ZNF618: variants seen among roughly 807,000 people sequenced by gnomAD.
ZNF618 encodes the protein neural precursor cell expressed, developmentally down-regulated 10.
In ZNF618, 34 loss-of-function variants were observed where a neutral mutation model predicts 103.0. That is an observed-to-expected ratio of 0.33 (90% CI 0.25 to 0.44). ZNF618 has a LOEUF of 0.44. ZNF618 is among the 20% of genes least tolerant of loss of function. ZNF618 has a pLI of 1.00. For synonymous variants in ZNF618, 551 were observed against 542.2 expected (o/e 1.02, Z -0.23); for missense variants, 1,059 against 1,295.4 (o/e 0.82, Z 2.80).
rs371507720 is a variant in ZNF618, at chr9:113,978,624, A to G, written c.77+9464A>G. On this transcript the variant is annotated intron_variant, in intron 2 of 14. Transcript: ENST00000374126. ...TGGGACTTCTGGCATTTAGTCATGTATGTGTTCATTCATTCAACAGGTGTT... is the reference window on the plus strand; with the variant it reads ...TGGGACTTCTGGCATTTAGTCATGTGTGTGTTCATTCATTCAACAGGTGTT... 5.3e-5 allele frequency among the ~76,000 whole-genome samples: 8 copies of G among 152,300 alleles called. No homozygotes were observed. In the East Asian group the frequency reaches 1.4e-3, roughly 26 times the overall value.
chr9:113,957,803 T>TC (rs1836449100), intron 1 of ZNF618, among the ~76,000 whole-genome samples: 1 of 115,394 alleles, frequency 8.7e-6, no homozygotes, highest in African/African-American at 2.9e-5. Context: ...AGCAAAAGTT[T>TC]CCTTTTTTTT....
At chr9:113,951,511 G>GTACACATATA (rs1564207655) in intron 1 of ZNF618, among the ~76,000 whole-genome samples, 10 of 94,378 alleles carry the variant, frequency 1.1e-4, no homozygotes, top group African/African-American at 3.3e-4. Context: ...ACACATATAT[G>GTACACATATA]TGTGTATATG....
At chr9:114,007,501 GC>G (rs1841856412) in intron 7 of ZNF618, 62 bp downstream of exon 7, 3 of 1,509,178 alleles carry the variant, frequency 2.0e-6, no homozygotes, top group Non-Finnish European at 1.8e-6. Context: ...GGAGACACCA[GC>G]CCCCAGCCCT....
intron 13 of ZNF618, among the ~76,000 whole-genome samples, chr9:114,047,322 G>C (rs770330227): frequency 6.6e-6 from 1 of 152,138 alleles, no homozygotes; most frequent in South Asian, 2.1e-4. Flanking sequence ...TCTTATATCC[G>C]AGCTTCAGTT....
At chr9:113,880,821 A>G (rs1828448590) in intron 1 of ZNF618, among the ~76,000 whole-genome samples, 1 of 152,232 alleles carries the variant, frequency 6.6e-6, no homozygotes, top group Non-Finnish European at 1.5e-5. Context: ...TTTGAAAGGT[A>G]CTGGACTAGC....
chr9:113,953,295 GTCT>G (rs1245009980), intron 1 of ZNF618, among the ~76,000 whole-genome samples: 1 of 152,208 alleles, frequency 6.6e-6, no homozygotes, highest in Non-Finnish European at 1.5e-5. Flanking sequence ...TAGAGTCACA[GTCT>G]TCTTCAATCA....
rs780382194 is a variant in ZNF618 at position 114,050,069 on chromosome 9, G to A, written c.2767G>A (p.Val923Ile). The A allele has an allele frequency of 1.2e-6, 2 of 1,613,358 alleles. No individual in the cohort carries two copies. The highest frequency in any genetic ancestry group is 1.7e-5 in the Admixed American group (1 of 60,026). ...VPAVGARSGC[V>I]NMCEQALLIK... The stretch of plus-strand genomic sequence containing the variant: ...GGCCGTGGGCGCCAGAAGCGGGTGT[G>A]TAAATATGTGTGAACAAGCGCTTCT... Residue 923 changes from valine (V) to isoleucine (I), a missense_variant, in exon 15 of 15, where the codon GTA becomes ATA. Val to Ile is a conservative substitution (Grantham distance 29, BLOSUM62 3). Coordinates refer to ENST00000374126, the MANE Select transcript of ZNF618 (RefSeq NM_001318042.2).
intron 1 of ZNF618, among the ~76,000 whole-genome samples, chr9:113,934,494 C>T (rs904495576): frequency 1.3e-5 from 2 of 152,148 alleles, no homozygotes; most frequent in Non-Finnish European, 2.9e-5. Context: ...CGCTGAAGCC[C>T]GTGTTCGGTT....
intron 2 of ZNF618, among the ~76,000 whole-genome samples, chr9:113,973,256 C>T (rs976442197): frequency 1.3e-5 from 2 of 152,146 alleles, no homozygotes; most frequent in Non-Finnish European, 2.9e-5. Context: ...TTAGATTAGA[C>T]GGCTCTGAGC....
At chr9:113,919,050 C>T (rs1278531047) in intron 1 of ZNF618, among the ~76,000 whole-genome samples, 1 of 152,124 alleles carries the variant, frequency 6.6e-6, no homozygotes, top group Admixed American at 6.5e-5. Context: ...AGGGGCTTTC[C>T]CTCATCTCCT....
At chr9:113,941,306 A>G (rs540333991) in intron 1 of ZNF618, among the ~76,000 whole-genome samples, 1 of 152,102 alleles carries the variant, frequency 6.6e-6, no homozygotes, top group Admixed American at 6.5e-5. Context: ...TTTCCAACTT[A>G]AAACTTCTTT....
intron 9 of ZNF618, among the ~76,000 whole-genome samples, chr9:114,014,266 T>C (rs1842483956): frequency 6.6e-6 from 1 of 152,198 alleles, no homozygotes; most frequent in Admixed American, 6.5e-5. Flanking sequence ...GCTTGTGAGG[T>C]TGATTTAAAA....
chr9:113,948,122 T>C (rs1204554681), intron 1 of ZNF618, among the ~76,000 whole-genome samples: 2 of 152,186 alleles, frequency 1.3e-5, no homozygotes, highest in Non-Finnish European at 2.9e-5. Flanking sequence ...CAATGAGTCT[T>C]TCTGCTGTGG....
At chr9:113,911,576 G>A (rs1216429806) in intron 1 of ZNF618, among the ~76,000 whole-genome samples, 4 of 152,012 alleles carry the variant, frequency 2.6e-5, no homozygotes, top group African/African-American at 4.8e-5. Context: ...TGATCCGCCC[G>A]CCTTGGCCTC....
rs193158411 is a variant in ZNF618 at position 114,052,038 on chromosome 9, A to C, written c.*1871A>C. 7.9e-5 allele frequency: 12 copies of C among 152,148 alleles called. No individual in the cohort carries two copies. The highest frequency in any genetic ancestry group is 2.4e-4 in the African/African-American group (10 of 41,330). 9.4% of individuals were successfully genotyped at this position (152,148 alleles called of 1,614,324 possible). A position where few individuals can be genotyped will look rare whatever the true frequency, so the allele number is the denominator to read the frequency against. ...TGTCATCCTGGGGTTGGCTAAGTCA[A>C]CTCCACCCCTTCCCAATAATAAAGC... On this transcript the variant is annotated 3_prime_UTR_variant, in exon 15 of 15. Coordinates refer to ENST00000374126, the MANE Select transcript of ZNF618 (RefSeq NM_001318042.2).
intron 1 of ZNF618, among the ~76,000 whole-genome samples, chr9:113,883,052 C>T (rs569189783): frequency 6.6e-6 from 1 of 152,358 alleles, no homozygotes; most frequent in South Asian, 2.1e-4. Flanking sequence ...GGGTCTGGCG[C>T]AGAGCAGCAG....
chr9:114,050,240 A>C lies in ZNF618; in HGVS notation c.*73A>C, dbSNP rs1444267474. The C allele has an allele frequency of 1.4e-6, 2 of 1,476,668 alleles. No homozygotes were observed. Among genetic ancestry groups the C allele is most frequent in the African/African-American group, 2.8e-5 (2 of 71,112 alleles). 91.5% of individuals were successfully genotyped at this position (1,476,668 alleles called of 1,614,324 possible). On this transcript the variant is annotated 3_prime_UTR_variant, in exon 15 of 15. Coordinates refer to ENST00000374126, the MANE Select transcript of ZNF618 (RefSeq NM_001318042.2). ...AAAAAAACCACACAACACTGTCACAAAGAAAAGGAATTTAAGTTCTAAACA... is the reference window on the plus strand; with the variant it reads ...AAAAAAACCACACAACACTGTCACACAGAAAAGGAATTTAAGTTCTAAACA...
At chr9:113,961,147 C>G (rs917356750) in intron 1 of ZNF618, among the ~76,000 whole-genome samples, 3 of 152,222 alleles carry the variant, frequency 2.0e-5, no homozygotes, top group Admixed American at 6.5e-5. Context: ...TCCAGTATCC[C>G]TCTTCATAGA....
At chr9:113,947,532 C>A (rs1052980885) in intron 1 of ZNF618, among the ~76,000 whole-genome samples, 1 of 152,302 alleles carries the variant, frequency 6.6e-6, no homozygotes, top group East Asian at 1.9e-4. Flanking sequence ...GACACACAGA[C>A]CCCTACCGGA....
Sources: gnomAD v4.1 joint callset for allele counts (sites outside exome capture counted in the v4.1 genomes callset) on GRCh38, gnomAD v4.1.1 for gene constraint, MANE v1.5 for transcripts, NCBI Gene and HGNC (gene_info 2026-07-23, HGNC 2026-07-21) for gene names.